TMEM106B: variants seen among roughly 807,000 people sequenced by gnomAD.
TMEM106B encodes the protein transmembrane protein 106B.
In TMEM106B, 15 loss-of-function variants were observed where a neutral mutation model predicts 31.1. That is an observed-to-expected ratio of 0.48 (90% confidence interval 0.32 to 0.74). TMEM106B has a LOEUF of 0.74. Among genes scored for constraint, TMEM106B ranks in the 30% least tolerant of loss-of-function variants. The pLI is 0.03. For synonymous variants in TMEM106B, 126 were observed against 112.5 expected, an observed-to-expected ratio of 1.12 and a Z score of -0.76; for missense variants, 283 against 327.3, an observed-to-expected ratio of 0.86 and a Z score of 1.04.
chr7:12,230,995 A>G (rs1782010375), intron 6 of TMEM106B, 67 bp from the exon 7 acceptor site: 3 of 1,100,774 alleles, frequency 2.7e-6, no homozygotes, highest in African/African-American at 3.2e-5. Flanking sequence ...GCTTTAAGAT[A>G]GGAGGGAGAA....
chr7:12,216,558 A>G (rs985534636), intron 2 of TMEM106B, among the ~76,000 whole-genome samples: 2 of 152,144 alleles, frequency 1.3e-5, no homozygotes, highest in Non-Finnish European at 2.9e-5. Flanking sequence ...CAATGTATAG[A>G]TGACACTTAA....
At position 12,233,116 on chromosome 7, in the gene TMEM106B, A is replaced by T. The variant is rs1429820568; in HGVS notation, c.*1141A>T. The T allele has an allele frequency of 6.6e-6, 1 of 151,728 alleles. No homozygotes were observed. Among genetic ancestry groups the T allele is most frequent in the Non-Finnish European group, 1.5e-5 (1 of 67,724 alleles). 9.4% of individuals were successfully genotyped at this position (151,728 alleles called of 1,614,324 possible). On this transcript the variant is annotated 3_prime_UTR_variant, in exon 8 of 8. Transcript: ENST00000396668. ...CACTTTGCACATCACTTGGAATATG[A>T]TGCCTCTAGTAGTTACTTTTTTATA...
Position 12,240,484 on chromosome 7 carries a change from G to A in TMEM106B, c.*8509G>A, listed in dbSNP as rs1346768064. The A allele has an allele frequency of 6.6e-6, 1 of 152,182 alleles. No homozygotes were observed. The highest frequency in any genetic ancestry group is 1.9e-4 in the East Asian group (1 of 5,176). The allele number at this position is 152,182 out of a possible 1,614,324, so 9.4% of individuals were successfully genotyped here. On this transcript the variant is annotated 3_prime_UTR_variant, in exon 8 of 8. Transcript: ENST00000396668. ...TCAAACAATTTTTGTCAGCTTAGAG[G>A]TTGTGTTTTAATTACTATTTTTAAA... is the stretch of plus-strand genomic sequence containing the variant.
At chr7:12,231,714 T>C in intron 7 of TMEM106B, 123 bp from the exon 8 acceptor site, 1 of 818,416 alleles carries the variant, frequency 1.2e-6, no homozygotes, top group South Asian at 2.5e-5. Flanking sequence ...GTGCACAATA[T>C]TAAGTTATCA....
Position 12,240,048 on chromosome 7 carries a change from C to A in TMEM106B, c.*8073C>A, listed in dbSNP as rs573300786. The stretch of plus-strand genomic sequence containing the variant: ...AAAGGAAGTATATCTGCACTTCCTT[C>A]TTTTTTACTGAAAAAGCCCAAGTTC... On this transcript the variant is annotated 3_prime_UTR_variant, in exon 8 of 8. Transcript: ENST00000396668. 1 of 15,684 alleles carries A rather than the reference C, an allele frequency of 6.4e-5. No individual in the cohort carries two copies. Among genetic ancestry groups the A allele is most frequent in the African/African-American group, 3.4e-4 (1 of 2,928 alleles). The allele number at this position is 15,684 out of a possible 1,614,324, so 1.0% of individuals were successfully genotyped here.
intron 4 of TMEM106B, among the ~76,000 whole-genome samples, chr7:12,225,648 G>T (rs147309966): frequency 0.23 from 34,923 of 152,026 alleles, 4,130 homozygotes; most frequent in South Asian, 0.4. Context: ...TCATGTGTCT[G>T]TTGGCTGCAT....
At chr7:12,228,554 AT>A (rs936455185) in intron 4 of TMEM106B, among the ~76,000 whole-genome samples, 1 of 151,420 alleles carries the variant, frequency 6.6e-6, no homozygotes, top group Admixed American at 6.6e-5. Context: ...TATTGTCAGG[AT>A]TTTTTTTCCC....
Position 12,232,075 on chromosome 7 carries a change from C to A in TMEM106B, c.*100C>A. ...AATAGGAGACCTTAAATTGAACAAACCTAAAGTTTACACTTCTAAGAGTAC... is the reference window on the plus strand; with the variant it reads ...AATAGGAGACCTTAAATTGAACAAAACTAAAGTTTACACTTCTAAGAGTAC... On this transcript the variant is annotated 3_prime_UTR_variant, in exon 8 of 8. Coordinates refer to ENST00000396668, the MANE Select transcript of TMEM106B (RefSeq NM_001134232.2). 1 of 1,189,256 alleles carries A rather than the reference C, an allele frequency of 8.4e-7. No homozygotes were observed. Among genetic ancestry groups the A allele is most frequent in the Non-Finnish European group, 1.2e-6 (1 of 866,372 alleles). The allele number at this position is 1,189,256 out of a possible 1,614,324, so 73.7% of individuals were successfully genotyped here.
At chr7:12,230,215 CAAAAAAGAA>C (rs967457401) in intron 5 of TMEM106B, 165 bp from the exon 6 acceptor site, 8 of 649,774 alleles carry the variant, frequency 1.2e-5, no homozygotes, top group South Asian at 1.8e-5. Flanking sequence ...GATCCTGTCT[CAAAAAAGAA>C]AAAAAAGAAA....
rs910379687 is a variant in TMEM106B at position 12,237,018 on chromosome 7, G to A, written c.*5043G>A. The A allele has an allele frequency of 2.6e-5, 4 of 151,888 alleles. No individual in the cohort carries two copies. The highest frequency in any genetic ancestry group is 9.7e-5 in the African/African-American group (4 of 41,334). 9.4% of individuals were successfully genotyped at this position (151,888 alleles called of 1,614,324 possible). ...ATGAAAATATGTTTGGGCATTTACT[G>A]TTTATATTATGTAGTAGCCTCCATC... On this transcript the variant is annotated 3_prime_UTR_variant, in exon 8 of 8. Coordinates refer to ENST00000396668, the MANE Select transcript of TMEM106B (RefSeq NM_001134232.2).
intron 5 of TMEM106B, 148 bp downstream of exon 5, chr7:12,229,967 C>A (rs13237518): frequency 0.43 from 382,764 of 887,442 alleles, 89,796 homozygotes; most frequent in African/African-American, 0.71. Context: ...CTGTGATCCC[C>A]GCACCTTGGG....
In TMEM106B at chr7:12,230,437, T is replaced by TAGTA. The variant is rs2128527552; in HGVS notation, c.632+3_632+6dup. 1 of 1,571,834 alleles carries TAGTA rather than the reference T, an allele frequency of 6.4e-7. No homozygotes were observed. Among genetic ancestry groups the TAGTA allele is most frequent in the African/African-American group, 1.4e-5 (1 of 73,618 alleles). ...TATAGCAGAGGAAATGAGTTATATG[T>TAGTA]AGTAAGTTCTGATTTATAATAACTT... is the stretch of plus-strand genomic sequence containing the variant. On this transcript the variant is annotated stop_gained and frameshift_variant and splice_region_variant, in exon 6 of 8. Transcript: ENST00000396668. LOFTEE classifies it high-confidence loss of function.
rs560893735 is a variant in TMEM106B, at chr7:12,241,928, T to C, written c.*9953T>C. ...CAGCATCTGTTGTTTCCTGACTTAA[T>C]GATTGCCATTCTAACTGGCGTGAGA... On this transcript the variant is annotated 3_prime_UTR_variant, in exon 8 of 8. Coordinates refer to ENST00000396668, the MANE Select transcript of TMEM106B (RefSeq NM_001134232.2). The C allele has an allele frequency of 1.3e-5, 2 of 152,362 alleles. No individual in the cohort carries two copies. The highest frequency in any genetic ancestry group is 4.1e-4 in the South Asian group (2 of 4,832). 9.4% of individuals were successfully genotyped at this position (152,362 alleles called of 1,614,324 possible). A position where few individuals can be genotyped will look rare whatever the true frequency, so the allele number is the denominator to read the frequency against.
At chr7:12,221,998 C>T (rs1344730511) in intron 3 of TMEM106B, among the ~76,000 whole-genome samples, 1 of 152,116 alleles carries the variant, frequency 6.6e-6, no homozygotes, top group Non-Finnish European at 1.5e-5. Flanking sequence ...TTGGGAACAA[C>T]TTTGGGTCTT....
chr7:12,212,489 C>T (rs1781600185), intron 1 of TMEM106B, among the ~76,000 whole-genome samples: 1 of 112,418 alleles, frequency 8.9e-6, no homozygotes, highest in South Asian at 2.9e-4. Context: ...TTTATAAATA[C>T]ATAGTTTTTT....
intron 4 of TMEM106B, among the ~76,000 whole-genome samples, chr7:12,227,534 A>C (rs1781925428): frequency 6.6e-6 from 1 of 151,986 alleles, no homozygotes; most frequent in African/African-American, 2.4e-5. Context: ...TCCCATGTTA[A>C]ATGGTCTTGT....
intron 4 of TMEM106B, 53 bp from the exon 5 acceptor site, chr7:12,229,626 A>G (rs574793564): frequency 2.2e-4 from 290 of 1,304,150 alleles, no homozygotes; most frequent in African/African-American, 2.1e-3. Context: ...TTTTAAATAC[A>G]TATTTGTATA....
At chr7:12,218,238 ACT>A (rs1491206998) in intron 2 of TMEM106B, among the ~76,000 whole-genome samples, 31 of 122,172 alleles carry the variant, frequency 2.5e-4, no homozygotes, top group African/African-American at 1.1e-3. Context: ...CATTTGTTAT[ACT>A]TTTTTTTTTT....
intron 4 of TMEM106B, among the ~76,000 whole-genome samples, chr7:12,227,328 G>T (rs767301215): frequency 6.6e-6 from 1 of 151,886 alleles, no homozygotes; most frequent in African/African-American, 2.4e-5. Flanking sequence ...GAAAATATTT[G>T]TCATTATAAG....
Sources: allele counts gnomAD v4.1 joint callset (sites outside exome capture counted in the v4.1 genomes callset), GRCh38; gene constraint gnomAD v4.1.1; transcripts MANE v1.5; gene names NCBI Gene and HGNC (gene_info 2026-07-23, HGNC 2026-07-21).